GLRX3: variants seen among roughly 807,000 people sequenced by gnomAD.
GLRX3 encodes the protein glutaredoxin 3.
Under a neutral mutation model 49.5 loss-of-function variants are expected in GLRX3, and 22 were observed. The observed-to-expected ratio is 0.44, with a 90% CI of 0.32 to 0.63. The LOEUF (loss-of-function observed/expected upper bound fraction) is 0.63. Among genes scored for constraint, GLRX3 ranks in the 30% least tolerant of loss-of-function variants. The pLI, the probability that GLRX3 is intolerant of heterozygous loss-of-function variation, is 0.05. For synonymous variants in GLRX3, 133 were observed against 140.0 expected (o/e 0.95, Z 0.35); for missense variants, 385 against 396.3 (o/e 0.97, Z 0.24).
chr10:130,176,796 A>C (rs11598456), intron 10 of GLRX3, among the ~76,000 whole-genome samples: 40,721 of 118,326 alleles, frequency 0.34, 6,563 homozygotes, highest in Middle Eastern at 0.46. Context: ...CTCTCTCTAT[A>C]TATATATATA....
intron 1 of GLRX3, among the ~76,000 whole-genome samples, chr10:130,138,741 G>A (rs1336552442): frequency 6.6e-6 from 1 of 150,752 alleles, no homozygotes; most frequent in Non-Finnish European, 1.5e-5. Context: ...CTAAGTAAAC[G>A]TTTTGAATTT....
At chr10:130,173,221 C>T (rs931942295) in intron 8 of GLRX3, among the ~76,000 whole-genome samples, 2 of 152,182 alleles carry the variant, frequency 1.3e-5, no homozygotes, top group East Asian at 1.9e-4. Context: ...TGACTCAGCT[C>T]GTGTCTTTGG....
chr10:130,158,156 A>C (rs1484984832), intron 2 of GLRX3, among the ~76,000 whole-genome samples: 1 of 152,160 alleles, frequency 6.6e-6, no homozygotes, highest in Non-Finnish European at 1.5e-5. Context: ...TTTGCTTCCC[A>C]GAAGAATTGT....
intron 10 of GLRX3, among the ~76,000 whole-genome samples, chr10:130,175,523 A>C (rs946696833): frequency 6.6e-5 from 10 of 152,250 alleles, no homozygotes; most frequent in Non-Finnish European, 1.5e-4. Context: ...CCCGAAAGAA[A>C]AAATGTAGGT....
chr10:130,178,425 A>T (rs895114058), intron 10 of GLRX3, among the ~76,000 whole-genome samples: 5 of 147,354 alleles, frequency 3.4e-5, no homozygotes, highest in African/African-American at 1.0e-4. Flanking sequence ...CACCTGGCTA[A>T]TTTTTTTTTT....
intron 8 of GLRX3, among the ~76,000 whole-genome samples, chr10:130,173,432 T>C (rs1156269974): frequency 6.6e-6 from 1 of 152,222 alleles, no homozygotes; most frequent in Non-Finnish European, 1.5e-5. Context: ...CAGACCATGC[T>C]CTTGCTGGGC....
intron 10 of GLRX3, among the ~76,000 whole-genome samples, chr10:130,175,979 T>C (rs1862909364): frequency 6.6e-6 from 1 of 152,148 alleles, no homozygotes; most frequent in South Asian, 2.1e-4. Context: ...CCCCGAAAAG[T>C]GGGTTGCTGA....
chr10:130,156,425 G>C (rs1000508449), intron 2 of GLRX3, among the ~76,000 whole-genome samples: 1 of 152,158 alleles, frequency 6.6e-6, no homozygotes, highest in African/African-American at 2.4e-5. Flanking sequence ...ATTTAGGAGG[G>C]ACATATACAT....
intron 4 of GLRX3, among the ~76,000 whole-genome samples, chr10:130,162,424 TG>T (rs1564995323): frequency 3.3e-5 from 5 of 152,252 alleles, no homozygotes; most frequent in Admixed American, 1.3e-4. Flanking sequence ...CTGTTGCGTT[TG>T]TTATTTTGTT....
Position 130,140,411 on chromosome 10 carries a change from T to C in GLRX3, c.92+3899T>C, listed in dbSNP as rs553992404. Among the ~76,000 whole-genome samples, 18 of 152,352 alleles carry C rather than the reference T, an allele frequency of 1.2e-4. No homozygotes were observed. The South Asian group carries it at 2.7e-3, about 23-fold the overall frequency. ...ATAACGTTTATATTTGTTTCAGATA[T>C]AGTATGTCCTTATAATATTGGACAT... On this transcript the variant is annotated intron_variant, in intron 1 of 10. Transcript: ENST00000331244.
chr10:130,136,755 C>T (rs542990061), intron 1 of GLRX3, among the ~76,000 whole-genome samples: 2 of 152,274 alleles, frequency 1.3e-5, no homozygotes, highest in African/African-American at 4.8e-5. Flanking sequence ...AGCCCCGGCC[C>T]CAGCCCTGGC....
chr10:130,166,280 A>AGTT, intron 4 of GLRX3, among the ~76,000 whole-genome samples: 1 of 152,170 alleles, frequency 6.6e-6, no homozygotes, highest in East Asian at 1.9e-4. Flanking sequence ...AGTTGTGTCA[A>AGTT]AAAGTTAAGT....
At chr10:130,166,432 T>G in intron 4 of GLRX3, 75 bp from the exon 5 acceptor site, 1 of 1,046,662 alleles carries the variant, frequency 9.6e-7, no homozygotes, top group Non-Finnish European at 1.5e-6. Flanking sequence ...ATATGTACGC[T>G]GAACTAATGT....
chr10:130,176,591 G>A (rs904028269), intron 10 of GLRX3, among the ~76,000 whole-genome samples: 2 of 152,090 alleles, frequency 1.3e-5, no homozygotes, highest in Non-Finnish European at 2.9e-5. Context: ...TTCCTGTGGA[G>A]TTCCAGGTTT....
chr10:130,156,672 A>T (rs918527568), intron 2 of GLRX3, among the ~76,000 whole-genome samples: 1 of 152,234 alleles, frequency 6.6e-6, no homozygotes, highest in African/African-American at 2.4e-5. Flanking sequence ...TCACAGTGGC[A>T]TCCGATGACC....
chr10:130,179,090 G>A (rs906026187), intron 10 of GLRX3, among the ~76,000 whole-genome samples: 20 of 152,214 alleles, frequency 1.3e-4, no homozygotes, highest in African/African-American at 2.6e-4. Flanking sequence ...TGCCCACCTC[G>A]GCCTCCCAAA....
At chr10:130,176,776 C>T (rs1862930857) in intron 10 of GLRX3, among the ~76,000 whole-genome samples, 1 of 80,440 alleles carries the variant, frequency 1.2e-5, no homozygotes, top group South Asian at 5.7e-4. Flanking sequence ...CTCCCTCTTT[C>T]TCTCTCTCTC....
intron 2 of GLRX3, among the ~76,000 whole-genome samples, chr10:130,147,024 C>T (rs1241159421): frequency 6.6e-6 from 1 of 152,218 alleles, no homozygotes; most frequent in Non-Finnish European, 1.5e-5. Flanking sequence ...TAAGTAACTG[C>T]TTGTATTAAT....
chr10:130,174,790 A>T, intron 8 of GLRX3, 77 bp from the exon 9 acceptor site: 1 of 915,754 alleles, frequency 1.1e-6, no homozygotes. Flanking sequence ...TGATTATTTT[A>T]AAAACATCAA....
Sources: allele counts gnomAD v4.1 joint callset (sites outside exome capture counted in the v4.1 genomes callset), GRCh38; gene constraint gnomAD v4.1.1; transcripts MANE v1.5; gene names NCBI Gene and HGNC (gene_info 2026-07-23, HGNC 2026-07-21).